Variants in PLCB1 observed in about 807,000 individuals in gnomAD.
PLCB1 encodes the protein phospholipase C beta 1, also known as 1-phosphatidylinositol 4,5-bisphosphate phosphodiesterase beta-1.
PLCB1 carries 46 observed loss-of-function variants against 161.8 expected under a neutral mutation model. The ratio of observed to expected loss-of-function variants is 0.28; its 90% CI spans 0.22 to 0.36. PLCB1 has a LOEUF of 0.36. PLCB1 is among the 10% of genes least tolerant of loss of function. The pLI, the probability that PLCB1 is intolerant of heterozygous loss-of-function variation, is 1.00. For synonymous variants in PLCB1, 517 were observed against 503.7 expected (o/e 1.03, Z -0.35); for missense variants, 1,016 against 1,472.5 (o/e 0.69, Z 5.07).
At chr20:8,825,767 T>C (rs1054489258) in intron 31 of PLCB1, among the ~76,000 whole-genome samples, 35 of 152,282 alleles carry the variant, frequency 2.3e-4, no homozygotes, top group African/African-American at 7.7e-4. Context: ...GGCAAGCGGG[T>C]TGCAAAAGAT....
At chr20:8,620,747 C>CAAAAA (rs779029928) in intron 3 of PLCB1, among the ~76,000 whole-genome samples, 1,671 of 73,458 alleles carry the variant, frequency 0.023, 6 homozygotes, top group Non-Finnish European at 0.026. Flanking sequence ...CTGCCCCCAC[C>CAAAAA]AAAAAAAAAA....
chr20:8,648,515 T>C (rs1225628673), intron 6 of PLCB1, among the ~76,000 whole-genome samples: 3 of 152,194 alleles, frequency 2.0e-5, no homozygotes, highest in Admixed American at 6.5e-5. Flanking sequence ...CCTAAATTAG[T>C]ATATTAAATT....
chr20:8,731,883 A>AAG (rs11472990), intron 18 of PLCB1, among the ~76,000 whole-genome samples: 61,810 of 151,582 alleles, frequency 0.41, 13,040 homozygotes, highest in East Asian at 0.65. Flanking sequence ...ATAGTTTAAT[A>AAG]AGAGAAAATT....
chr20:8,550,937 C>T (rs1267179195), intron 3 of PLCB1, among the ~76,000 whole-genome samples: 1 of 152,120 alleles, frequency 6.6e-6, no homozygotes, highest in African/African-American at 2.4e-5. Context: ...TTAAAAGATA[C>T]ATCTATCAGT....
chr20:8,680,638 A>T (rs73597548), intron 9 of PLCB1, among the ~76,000 whole-genome samples: 250 of 152,294 alleles, frequency 1.6e-3, no homozygotes, highest in African/African-American at 5.9e-3. Context: ...CAAGAAGCTC[A>T]CTGGTAGTCT....
intron 3 of PLCB1, among the ~76,000 whole-genome samples, chr20:8,505,250 A>G (rs553867484): frequency 1.6e-4 from 24 of 152,242 alleles, no homozygotes; most frequent in Middle Eastern, 3.4e-3. Flanking sequence ...ACTCTCAACA[A>G]TGATTCTTCC....
At chr20:8,191,533 G>A (rs1343843629) in intron 2 of PLCB1, among the ~76,000 whole-genome samples, 1 of 151,850 alleles carries the variant, frequency 6.6e-6, no homozygotes, top group Non-Finnish European at 1.5e-5. Context: ...TGACCACAGT[G>A]CATAATTATC....
chr20:8,224,747 TC>T (rs527306611), intron 2 of PLCB1, among the ~76,000 whole-genome samples: 178 of 152,120 alleles, frequency 1.2e-3, no homozygotes, highest in African/African-American at 4.1e-3. Flanking sequence ...TCTGGCACCA[TC>T]CCCCCGCCCA....
At chr20:8,467,005 T>C (rs1197367804) in intron 3 of PLCB1, among the ~76,000 whole-genome samples, 1 of 152,200 alleles carries the variant, frequency 6.6e-6, no homozygotes, top group Non-Finnish European at 1.5e-5. Context: ...AGTGGTGCAA[T>C]CTCAGCTCAC....
At chr20:8,874,244 A>T (rs1197654072) in intron 31 of PLCB1, among the ~76,000 whole-genome samples, 1 of 136,610 alleles carries the variant, frequency 7.3e-6, no homozygotes, top group East Asian at 2.2e-4. Context: ...ACACACACAC[A>T]CACACACACA....
intron 3 of PLCB1, among the ~76,000 whole-genome samples, chr20:8,602,325 G>A (rs982043272): frequency 2.6e-5 from 4 of 151,868 alleles, no homozygotes; most frequent in Non-Finnish European, 5.9e-5. Context: ...AATACAAAAT[G>A]GTATTTAAAG....
chr20:8,349,658 G>C (rs886109979), intron 2 of PLCB1, among the ~76,000 whole-genome samples: 2 of 152,118 alleles, frequency 1.3e-5, no homozygotes, highest in African/African-American at 4.8e-5. Context: ...ATTTTTGCTG[G>C]CAGCATTGCT....
chr20:8,410,447 A>G (rs1221639242), intron 3 of PLCB1, among the ~76,000 whole-genome samples: 1 of 152,098 alleles, frequency 6.6e-6, no homozygotes, highest in African/African-American at 2.4e-5. Context: ...TTATTCATTT[A>G]TGTCTTTCTA....
intron 9 of PLCB1, among the ~76,000 whole-genome samples, chr20:8,681,086 G>GTATATGTATATATATATATATA (rs1555782781): frequency 2.7e-5 from 2 of 73,854 alleles, no homozygotes; most frequent in African/African-American, 5.5e-5. Flanking sequence ...ATGTGTGTGT[G>GTATATGTATATATATATATATA]TATATATATA....
chr20:8,813,268 T>C (rs1218196232), intron 31 of PLCB1, among the ~76,000 whole-genome samples: 1 of 152,212 alleles, frequency 6.6e-6, no homozygotes, highest in Admixed American at 6.5e-5. Context: ...CGGAAAGCTT[T>C]GGCAAGATTT....
intron 12 of PLCB1, among the ~76,000 whole-genome samples, chr20:8,711,060 A>C (rs1320596946): frequency 6.6e-6 from 1 of 152,206 alleles, no homozygotes; most frequent in African/African-American, 2.4e-5. Context: ...TCTAAGAGTA[A>C]ATATTATGAT....
chr20:8,657,501 G>T (rs1284655970), intron 8 of PLCB1, among the ~76,000 whole-genome samples: 3 of 152,032 alleles, frequency 2.0e-5, no homozygotes, highest in African/African-American at 7.2e-5. Context: ...ATATATTGCT[G>T]GAGGTAGTTG....
chr20:8,559,374 A>ATC (rs1986069030), intron 3 of PLCB1, among the ~76,000 whole-genome samples: 1 of 151,920 alleles, frequency 6.6e-6, no homozygotes, highest in Non-Finnish European at 1.5e-5. Context: ...AATCAAACAC[A>ATC]AAAGAAGGCA....
At chr20:8,550,961 T>G (rs1473835527) in intron 3 of PLCB1, among the ~76,000 whole-genome samples, 1 of 152,156 alleles carries the variant, frequency 6.6e-6, no homozygotes, top group African/African-American at 2.4e-5. Context: ...CCAATTTAGA[T>G]TCTATAACAG....
Sources: allele counts gnomAD v4.1 joint callset (sites outside exome capture counted in the v4.1 genomes callset), GRCh38; gene constraint gnomAD v4.1.1; transcripts MANE v1.5; gene names NCBI Gene and HGNC (gene_info 2026-07-23, HGNC 2026-07-21).